Variants in TMEM183A observed in about 807,000 individuals in gnomAD.
The protein encoded by TMEM183A is transmembrane protein 183A, also known as chromosome 1 open reading frame 37.
In TMEM183A, 21 loss-of-function variants were observed where a neutral mutation model predicts 46.7. The ratio of observed to expected loss-of-function variants is 0.45; its 90% CI spans 0.32 to 0.65. TMEM183A has a LOEUF of 0.65. Among genes scored for constraint, TMEM183A ranks in the 30% least tolerant of loss-of-function variants. The pLI is 0.04. For missense variants in TMEM183A, 331 were observed against 481.9 expected (o/e 0.69, Z 2.93); for synonymous variants, 165 against 180.2 (o/e 0.92, Z 0.68).
chr1:203,023,082 C>T lies in TMEM183A; in HGVS notation c.*42C>T, dbSNP rs775498053. ...CTTGGGGGCAGCCTCGAGTGTAGTC[C>T]ATTAGTAATCAGATTCCAGTTTGGA... On this transcript the variant is annotated 3_prime_UTR_variant, in exon 8 of 8. Transcript: ENST00000367242. 3.5e-6 allele frequency: 4 copies of T among 1,155,796 alleles called. No individual in the cohort carries two copies. The East Asian group carries it at 9.7e-5, about 28-fold the overall frequency. 71.6% of individuals were successfully genotyped at this position (1,155,796 alleles called of 1,614,324 possible).
chr1:203,022,718 A>AAGG, intron 7 of TMEM183A, 137 bp from the exon 8 acceptor site: 6 of 1,017,872 alleles, frequency 5.9e-6, no homozygotes, highest in South Asian at 1.6e-5. Flanking sequence ...AAAAAAAAAA[A>AAGG]GGTGTTTGTT....
At position 203,016,160 on chromosome 1, in the gene TMEM183A, G is replaced by C; in HGVS notation, c.708+20G>C. 6 of 1,613,944 alleles carry C rather than the reference G, an allele frequency of 3.7e-6. No individual in the cohort carries two copies. The highest frequency in any genetic ancestry group is 4.2e-6 in the Non-Finnish European group (5 of 1,179,980). ...TCCAAAGTAAGTGAGAATTTGTGTT[G>C]GGGTTTGACTAATGAACTCTTGTAT... On this transcript the variant is annotated intron_variant, in intron 5 of 7. Transcript: ENST00000367242.
At chr1:203,012,433 CAT>C (rs1403484761) in intron 3 of TMEM183A, among the ~76,000 whole-genome samples, 3 of 152,274 alleles carry the variant, frequency 2.0e-5, no homozygotes, top group Non-Finnish European at 2.9e-5. Context: ...ACTGTTCTCA[CAT>C]GTTTTGCTTT....
intron 3 of TMEM183A, among the ~76,000 whole-genome samples, chr1:203,010,537 A>G (rs1211108628): frequency 1.3e-5 from 2 of 152,196 alleles, no homozygotes; most frequent in Non-Finnish European, 2.9e-5. Context: ...CTGAAACACC[A>G]CTGGTCCTGA....
intron 7 of TMEM183A, among the ~76,000 whole-genome samples, chr1:203,022,432 G>A (rs1469121152): frequency 1.3e-5 from 2 of 152,110 alleles, no homozygotes; most frequent in African/African-American, 4.8e-5. Context: ...GCTGGGCGTG[G>A]TGGCTCATGC....
intron 6 of TMEM183A, among the ~76,000 whole-genome samples, chr1:203,018,956 A>C (rs1657421803): frequency 6.6e-6 from 1 of 152,264 alleles, no homozygotes; most frequent in South Asian, 2.1e-4. Context: ...CCTACCTCTT[A>C]ATACTATTGT....
chr1:203,017,628 A>T, intron 5 of TMEM183A: 1 of 556,402 alleles, frequency 1.8e-6, no homozygotes, highest in Non-Finnish European at 2.3e-6. Flanking sequence ...TATCCCGTGC[A>T]TGGCCTTGCC....
intron 4 of TMEM183A, chr1:203,015,318 CTT>C (rs1325838317): frequency 2.5e-5 from 12 of 473,922 alleles, no homozygotes; most frequent in African/African-American, 7.9e-5. Flanking sequence ...ATAGAAGAGT[CTT>C]TGACTTTTCT....
intron 4 of TMEM183A, chr1:203,015,732 T>C (rs1405985310): frequency 1.1e-5 from 6 of 552,308 alleles, no homozygotes; most frequent in Non-Finnish European, 1.9e-5. Context: ...TGCTCTTTTG[T>C]TCAGTGAAAA....
In TMEM183A at chr1:203,007,866, A is replaced by G; in HGVS notation, c.199+3A>G. ...AGCCAACGCTGTTCAGCAGGAAGGT[A>G]AGCTTTGCGCGAGCCTTTAAAGACT... On this transcript the variant is annotated splice_donor_region_variant and intron_variant, in intron 2 of 7. Coordinates refer to ENST00000367242, the MANE Select transcript of TMEM183A (RefSeq NM_138391.6). 6.2e-7 allele frequency: 1 copy of G among 1,614,022 alleles called. No homozygotes were observed.
Position 203,024,480 on chromosome 1 carries a change from A to T in TMEM183A, c.*1440A>T, listed in dbSNP as rs945851932. 9.1e-5 allele frequency: 13 copies of T among 143,308 alleles called. No individual in the cohort carries two copies. In the East Asian group the frequency reaches 1.0e-3, roughly 11 times the overall value. 8.9% of individuals were successfully genotyped at this position (143,308 alleles called of 1,614,324 possible). A position where few individuals can be genotyped will look rare whatever the true frequency, so the allele number is the denominator to read the frequency against. ...TTGTGAGGCAAACTGCTAAATTCAC[A>T]TTTTTGTTTTTTTTTTTTTACCATC... On this transcript the variant is annotated 3_prime_UTR_variant, in exon 8 of 8. Coordinates refer to ENST00000367242, the MANE Select transcript of TMEM183A (RefSeq NM_138391.6).
rs1293148240 is a variant in TMEM183A, at chr1:203,016,118, C to T, written c.686C>T (p.Pro229Leu). The T allele has an allele frequency of 6.2e-7, 1 of 1,614,194 alleles. No homozygotes were observed. The highest frequency in any genetic ancestry group is 1.1e-5 in the South Asian group (1 of 91,086). ...SKNPAIPESTPSTLKNSKCLL... is the reference protein window; with the variant it reads ...SKNPAIPESTLSTLKNSKCLL... ...AATCCAGCCATTCCAGAAAGCACCC[C>T]CAGCACATTAAAGAATTCCAAAGTA... Residue 229 changes from proline to leucine, a missense_variant, in exon 5 of 8, where the codon CCC becomes CTC. Physicochemically the swap from Pro to Leu is moderately conservative, Grantham distance 98 (BLOSUM62 -3). This residue lies in a region of TMEM183A where 233 missense variants were observed against 385.8 expected (regional missense o/e 0.60). Transcript: ENST00000367242.
chr1:203,012,249 A>ACACACACACACACACACG, intron 3 of TMEM183A, among the ~76,000 whole-genome samples: 1 of 148,732 alleles, frequency 6.7e-6, no homozygotes, highest in African/African-American at 2.5e-5. Flanking sequence ...ACACACACAC[A>ACACACACACACACACACG]CACACACACA....
intron 5 of TMEM183A, 33 bp from the exon 6 acceptor site, chr1:203,018,448 T>C: frequency 6.3e-7 from 1 of 1,577,464 alleles, no homozygotes; most frequent in Admixed American, 2.0e-5. Flanking sequence ...CTTTTTCTTT[T>C]TCTTGGTTTA....
rs1656072180 is a variant in TMEM183A, at chr1:203,007,593, G to A, written c.109+19G>A. ...GGCCGAGGTGGGCGAGGGGGGCAGGGGCGCTGAAACATTTTGGGGGCTGGC... is the reference window on the plus strand; with the variant it reads ...GGCCGAGGTGGGCGAGGGGGGCAGGAGCGCTGAAACATTTTGGGGGCTGGC... On this transcript the variant is annotated intron_variant, in intron 1 of 7. Transcript: ENST00000367242. 1.9e-6 allele frequency: 3 copies of A among 1,539,210 alleles called. No homozygotes were observed. Among genetic ancestry groups the A allele is most frequent in the African/African-American group, 1.4e-5 (1 of 73,456 alleles).
In TMEM183A at chr1:203,008,758, A is replaced by C. The variant is rs764792828; in HGVS notation, c.315A>C (p.Glu105Asp). The C allele has an allele frequency of 6.2e-7, 1 of 1,609,662 alleles. No homozygotes were observed. Among genetic ancestry groups the C allele is most frequent in the South Asian group, 1.1e-5 (1 of 90,310 alleles). ...DSSDEMDAQE[E>D]SIHERTVSRK... The stretch of plus-strand genomic sequence containing the variant: ...GTGATGAGATGGATGCCCAGGAGGA[A>C]AGCATCCATGAGAGAACTGTCTCCA... Residue 105 changes from glutamate (E) to aspartate (D), a missense_variant, in exon 3 of 8, where the codon GAA becomes GAC. Physicochemically the swap from Glu to Asp is conservative, Grantham distance 45. Around this residue, in one of 2 missense-constraint regions of TMEM183A, gnomAD observed 233 missense variants for 385.8 expected, o/e 0.60. Transcript: ENST00000367242.
intron 6 of TMEM183A, among the ~76,000 whole-genome samples, chr1:203,020,347 A>T (rs940048914): frequency 5.9e-5 from 9 of 152,244 alleles, no homozygotes; most frequent in African/African-American, 2.2e-4. Context: ...GGATTACTGC[A>T]GGAAAGTGAA....
At chr1:203,012,148 T>TCTCACACACACACACACACACACACA (rs1553249434) in intron 3 of TMEM183A, among the ~76,000 whole-genome samples, 3 of 79,400 alleles carry the variant, frequency 3.8e-5, no homozygotes, top group African/African-American at 5.0e-5. Context: ...CCCCACTCCA[T>TCTCACACACACACACACACACACACA]CACACACACA....
Position 203,024,548 on chromosome 1 carries a change from G to A in TMEM183A, c.*1508G>A, listed in dbSNP as rs1658014951. The A allele has an allele frequency of 6.8e-6, 1 of 146,446 alleles. No homozygotes were observed. The highest frequency in any genetic ancestry group is 1.5e-5 in the Non-Finnish European group (1 of 67,212). 9.1% of individuals were successfully genotyped at this position (146,446 alleles called of 1,614,324 possible). On this transcript the variant is annotated 3_prime_UTR_variant, in exon 8 of 8. Coordinates refer to ENST00000367242, the MANE Select transcript of TMEM183A (RefSeq NM_138391.6). Reference sequence around the variant, plus strand: ...TAGAAAGCATCTGCTTAATTTTGCTGCTAACAGCTAACCTTATCCCACGTT... The same window carrying A: ...TAGAAAGCATCTGCTTAATTTTGCTACTAACAGCTAACCTTATCCCACGTT...
Sources: gnomAD v4.1 joint callset for allele counts (sites outside exome capture counted in the v4.1 genomes callset) on GRCh38, gnomAD v4.1.1 for gene constraint, gnomAD v4.1.1 regional missense constraint, MANE v1.5 for transcripts, NCBI Gene and HGNC (gene_info 2026-07-23, HGNC 2026-07-21) for gene names.